DNMBP: variants seen among roughly 807,000 people sequenced by gnomAD.
DNMBP encodes the protein dynamin-binding protein.
DNMBP carries 87 observed loss-of-function variants against 150.0 expected under a neutral mutation model. That is an observed-to-expected ratio of 0.58 (90% confidence interval 0.49 to 0.69). The LOEUF is 0.69. Ranked by LOEUF, DNMBP falls within the 30% of genes least tolerant of loss-of-function variation. The pLI, the probability that DNMBP is intolerant of heterozygous loss-of-function variation, is 0.00. For synonymous variants in DNMBP, 711 were observed against 750.4 expected, an observed-to-expected ratio of 0.95 and a Z score of 0.86; for missense variants, 1,774 against 1,949.0, an observed-to-expected ratio of 0.91 and a Z score of 1.69.
Position 99,880,325 on chromosome 10 carries a change from G to C in DNMBP, c.4034C>G (p.Pro1345Arg). The C allele has an allele frequency of 6.2e-7, 1 of 1,609,074 alleles. No homozygotes were observed. Among genetic ancestry groups the C allele is most frequent in the Admixed American group, 1.7e-5 (1 of 59,940 alleles). Residue 1345 changes from proline (P) to arginine (R), a missense_variant, in exon 16 of 17, where the codon CCC becomes CGC. Physicochemically the swap from Pro to Arg is moderately radical, Grantham distance 103. This residue lies in a region of DNMBP where 1,430 missense variants were observed against 1,492.5 expected (regional missense o/e 0.96). Coordinates refer to ENST00000324109, the MANE Select transcript of DNMBP (RefSeq NM_015221.4). The part of the protein sequence containing the change: ...KGFVYSSFLK[P>R]YNPRRSHSDA... Reference sequence around the variant, plus strand: ...GGAGTGGCTGCGGCGAGGATTGTAGGGCTTTAGGAAAGAGCTGTACACGAA... The same window carrying C: ...GGAGTGGCTGCGGCGAGGATTGTAGCGCTTTAGGAAAGAGCTGTACACGAA...
chr10:99,990,798 CACAT>C (rs1564756357), intron 1 of DNMBP, among the ~76,000 whole-genome samples: 1 of 104,348 alleles, frequency 9.6e-6, no homozygotes, highest in African/African-American at 4.1e-5. Flanking sequence ...CATATATACA[CACAT>C]ATATACACAT....
At chr10:99,947,418 G>T (rs2040369586) in intron 4 of DNMBP, among the ~76,000 whole-genome samples, 1 of 152,162 alleles carries the variant, frequency 6.6e-6, no homozygotes, top group African/African-American at 2.4e-5. Flanking sequence ...CAGCAACATG[G>T]ATGCAGCTGG....
intron 2 of DNMBP, 61 bp downstream of exon 2, chr10:99,971,919 C>T (rs753334831): frequency 7.3e-6 from 11 of 1,508,950 alleles, no homozygotes; most frequent in Non-Finnish European, 9.9e-6. Context: ...GCAGTGCCAG[C>T]CTTTATTTTT....
chr10:99,886,944 A>G (rs1041535154), intron 12 of DNMBP, among the ~76,000 whole-genome samples: 6 of 152,216 alleles, frequency 3.9e-5, no homozygotes, highest in African/African-American at 1.4e-4. Flanking sequence ...TGTGCATTAG[A>G]AACCAGCCGT....
chr10:99,881,332 G>A (rs1286080831), intron 15 of DNMBP, among the ~76,000 whole-genome samples: 2 of 151,620 alleles, frequency 1.3e-5, no homozygotes, highest in African/African-American at 4.9e-5. Context: ...TATACTGGAA[G>A]GATGTTCTAA....
At chr10:99,887,440 T>C (rs935816372) in intron 12 of DNMBP, among the ~76,000 whole-genome samples, 1 of 151,518 alleles carries the variant, frequency 6.6e-6, no homozygotes, top group Non-Finnish European at 1.5e-5. Flanking sequence ...GGCAGGAGAA[T>C]CGCTTGAACC....
chr10:100,007,381 C>T (rs1448724589), intron 1 of DNMBP, among the ~76,000 whole-genome samples: 1 of 152,092 alleles, frequency 6.6e-6, no homozygotes, highest in Admixed American at 6.6e-5. Context: ...ACAAGTGCTA[C>T]CACGACCCCG....
rs7097446 is a variant in DNMBP, at chr10:99,885,912, G to A, written c.3619-46C>T. The A allele has an allele frequency of 3.0e-3, 4,564 of 1,496,426 alleles. 32 individuals are homozygous for A. The highest frequency in any genetic ancestry group is 0.026 in the African/African-American group (1,847 of 71,358). 92.7% of individuals were successfully genotyped at this position (1,496,426 alleles called of 1,614,324 possible). ...AGAGATAGAGAAAAGAAGAAAACACGATAAAAGATCCCAGAGAAAAGAAGA... is the reference window on the plus strand; with the variant it reads ...AGAGATAGAGAAAAGAAGAAAACACAATAAAAGATCCCAGAGAAAAGAAGA... On this transcript the variant is annotated intron_variant, in intron 13 of 16. Transcript: ENST00000324109.
chr10:99,907,890 T>G (rs2039845863), intron 6 of DNMBP, 105 bp downstream of exon 6: 1 of 765,056 alleles, frequency 1.3e-6, no homozygotes, highest in Non-Finnish European at 2.2e-6. Context: ...TACCTACACC[T>G]GTATCTTCCC....
intron 6 of DNMBP, among the ~76,000 whole-genome samples, chr10:99,900,601 GTAATGAGAACCCCA>G (rs2039725038): frequency 6.6e-6 from 1 of 151,632 alleles, no homozygotes; most frequent in Admixed American, 6.6e-5. Context: ...ATGTAGGGAT[GTAATGAGAACCCCA>G]TAAGGAGGAC....
intron 4 of DNMBP, among the ~76,000 whole-genome samples, chr10:99,941,321 ATATTCTCC>A (rs2040298282): frequency 6.6e-6 from 1 of 152,188 alleles, no homozygotes; most frequent in Admixed American, 6.5e-5. Context: ...GTTCTAGATC[ATATTCTCC>A]TATACGCCCA....
At chr10:99,914,049 C>A in intron 4 of DNMBP, 1 of 1,485,346 alleles carries the variant, frequency 6.7e-7, no homozygotes. Flanking sequence ...TCCACAACCC[C>A]CCAAACTCCT....
chr10:99,908,302 A>G (rs1051092977), intron 5 of DNMBP, among the ~76,000 whole-genome samples: 1 of 152,176 alleles, frequency 6.6e-6, no homozygotes, highest in African/African-American at 2.4e-5. Flanking sequence ...TGCCACCCCA[A>G]CCAGCACTTT....
intron 10 of DNMBP, among the ~76,000 whole-genome samples, chr10:99,895,634 A>G (rs1028805811): frequency 1.3e-5 from 2 of 152,150 alleles, no homozygotes; most frequent in African/African-American, 4.8e-5. Context: ...TGCTGAACCT[A>G]GGACTGTTCC....
intron 3 of DNMBP, among the ~76,000 whole-genome samples, chr10:99,959,758 G>A (rs2040542453): frequency 1.3e-5 from 2 of 151,774 alleles, no homozygotes; most frequent in African/African-American, 2.4e-5. Flanking sequence ...GGGAACCTGA[G>A]GCAGGAGGAT....
chr10:99,927,685 G>A (rs575146596), intron 4 of DNMBP, among the ~76,000 whole-genome samples: 1 of 152,264 alleles, frequency 6.6e-6, no homozygotes, highest in African/African-American at 2.4e-5. Context: ...GGTCAAGAAG[G>A]ATATTAGGGG....
chr10:99,975,901 C>G (rs1029290919), intron 1 of DNMBP, among the ~76,000 whole-genome samples: 2 of 152,112 alleles, frequency 1.3e-5, no homozygotes, highest in African/African-American at 4.8e-5. Context: ...TGAGTACTTC[C>G]TAGGTACATG....
At chr10:99,892,200 G>A (rs528326912) in intron 11 of DNMBP, among the ~76,000 whole-genome samples, 7 of 147,610 alleles carry the variant, frequency 4.7e-5, no homozygotes, top group South Asian at 4.5e-4. Context: ...CCGGCCAGCC[G>A]CCCCGTCCGG....
At chr10:99,999,809 A>G (rs1278144608) in intron 1 of DNMBP, among the ~76,000 whole-genome samples, 1 of 152,232 alleles carries the variant, frequency 6.6e-6, no homozygotes. Context: ...AAAAGCAGGG[A>G]CTACTTTATA....
Sources: gnomAD v4.1 joint callset for allele counts (sites outside exome capture counted in the v4.1 genomes callset) on GRCh38, gnomAD v4.1.1 for gene constraint, gnomAD v4.1.1 regional missense constraint, MANE v1.5 for transcripts, NCBI Gene and HGNC (gene_info 2026-07-23, HGNC 2026-07-21) for gene names.